The following NEK9 variants were observed in gnomAD, a reference collection of about 807,000 sequenced individuals.
NEK9 encodes serine/threonine-protein kinase Nek9.
In NEK9, 75 loss-of-function variants were observed where a neutral mutation model predicts 123.4. That is an observed-to-expected ratio of 0.61 (90% CI 0.50 to 0.74). The LOEUF is 0.74. Among genes scored for constraint, NEK9 ranks in the 30% least tolerant of loss-of-function variants. The probability of loss-of-function intolerance (pLI) is 0.00; values close to 1 mark genes in which losing one functional copy is unlikely to be tolerated. For synonymous variants in NEK9, 438 were observed against 458.7 expected (o/e 0.95, Z 0.58); for missense variants, 952 against 1,214.4 (o/e 0.78, Z 3.21).
At position 75,082,412 on chromosome 14, in the gene NEK9, T is replaced by A. The variant is rs1282633729; in HGVS notation, c.*2152A>T. On this transcript the variant is annotated 3_prime_UTR_variant, in exon 22 of 22. Transcript: ENST00000238616. ...CATCCCCCTTTGAACTGGTTTCTGT[T>A]TGCATACTTGTTTGGTGGGAAAAAA... The A allele has an allele frequency of 2.0e-5, 3 of 152,238 alleles. No homozygotes were observed. The highest frequency in any genetic ancestry group is 4.4e-5 in the Non-Finnish European group (3 of 68,070). 9.4% of individuals were successfully genotyped at this position (152,238 alleles called of 1,614,324 possible). A position where few individuals can be genotyped will look rare whatever the true frequency, so the allele number is the denominator to read the frequency against.
At chr14:75,111,267 G>A (rs1894950186) in intron 8 of NEK9, among the ~76,000 whole-genome samples, 1 of 152,074 alleles carries the variant, frequency 6.6e-6, no homozygotes, top group South Asian at 2.1e-4. Flanking sequence ...CTAGCCCAGG[G>A]CTGTCATCCT....
At chr14:75,096,888 T>C in intron 17 of NEK9, 1 of 404,818 alleles carries the variant, frequency 2.5e-6, no homozygotes, top group East Asian at 3.7e-5. Context: ...AAACTTATAT[T>C]AAAAAATAAT....
At chr14:75,103,055 AGGGGGGAG>A (rs1894642891) in intron 14 of NEK9, among the ~76,000 whole-genome samples, 1 of 142,498 alleles carries the variant, frequency 7.0e-6, no homozygotes, top group Admixed American at 7.0e-5. Flanking sequence ...GGGTGGGGGA[AGGGGGGAG>A]GGATAGCATT....
intron 10 of NEK9, among the ~76,000 whole-genome samples, chr14:75,109,364 A>G (rs1205658128): frequency 2.6e-5 from 4 of 152,232 alleles, no homozygotes; most frequent in Admixed American, 1.3e-4. Flanking sequence ...TCATGGTAAT[A>G]TAACAGAGTA....
At chr14:75,122,789 C>T (rs1284796946) in intron 2 of NEK9, among the ~76,000 whole-genome samples, 6 of 80,126 alleles carry the variant, frequency 7.5e-5, no homozygotes, top group South Asian at 1.1e-3. Context: ...CCACGCCCAG[C>T]TTTTTTTTTT....
intron 16 of NEK9, among the ~76,000 whole-genome samples, chr14:75,099,897 G>A (rs1176616171): frequency 2.6e-5 from 4 of 151,522 alleles, no homozygotes; most frequent in Admixed American, 6.6e-5. Context: ...CTGGCAGGCC[G>A]AGGTGGGCAG....
intron 21 of NEK9, among the ~76,000 whole-genome samples, chr14:75,085,675 TTC>T (rs1380952776): frequency 9.9e-5 from 15 of 152,242 alleles, no homozygotes; most frequent in Admixed American, 2.6e-4. Context: ...ATGTGGGACA[TTC>T]TGTTGAACAA....
intron 1 of NEK9, among the ~76,000 whole-genome samples, chr14:75,126,135 C>T (rs1895516185): frequency 6.6e-6 from 1 of 152,114 alleles, no homozygotes; most frequent in African/African-American, 2.4e-5. Flanking sequence ...GCAAGATAAA[C>T]ACTGATAAAG....
At chr14:75,088,745 C>T in intron 19 of NEK9, 104 bp from the exon 20 acceptor site, 1 of 1,026,096 alleles carries the variant, frequency 9.7e-7, no homozygotes, top group Non-Finnish European at 1.4e-6. Flanking sequence ...ACTTCAGCAC[C>T]CTCTAGTGGG....
intron 13 of NEK9, among the ~76,000 whole-genome samples, chr14:75,105,662 C>T (rs1894746181): frequency 6.6e-6 from 1 of 152,204 alleles, no homozygotes; most frequent in Non-Finnish European, 1.5e-5. Context: ...GTATTTGTAG[C>T]TATATGTGAC....
At chr14:75,088,888 G>A (rs942732165) in intron 19 of NEK9, among the ~76,000 whole-genome samples, 1 of 152,064 alleles carries the variant, frequency 6.6e-6, no homozygotes, top group African/African-American at 2.4e-5. Context: ...ACTCCAACAC[G>A]CTTATTCTAC....
chr14:75,098,400 T>C (rs1455669451), intron 16 of NEK9, among the ~76,000 whole-genome samples: 1 of 152,180 alleles, frequency 6.6e-6, no homozygotes, highest in Non-Finnish European at 1.5e-5. Flanking sequence ...TGGTCTAAGA[T>C]AACTGGGTTA....
intron 16 of NEK9, among the ~76,000 whole-genome samples, chr14:75,099,249 C>T (rs866397188): frequency 2.0e-5 from 3 of 150,690 alleles, no homozygotes; most frequent in South Asian, 2.1e-4. Flanking sequence ...CACTTGAACC[C>T]GGGAGGTGGA....
At position 75,088,571 on chromosome 14, in the gene NEK9, G is replaced by T; in HGVS notation, c.2513C>A (p.Ser838Tyr). The T allele has an allele frequency of 6.2e-7, 1 of 1,614,078 alleles. No individual in the cohort carries two copies. The highest frequency in any genetic ancestry group is 8.5e-7 in the Non-Finnish European group (1 of 1,180,006). Residue 838 changes from serine to tyrosine, a missense_variant, in exon 20 of 22, where the codon TCT becomes TAT. Ser to Tyr is a moderately radical substitution (Grantham distance 144). Transcript: ENST00000238616. ...PSPLSAAFSE[S>Y]EKDTLPYEEL... ...TTCATAGGGCAGGGTATCTTTCTCA[G>T]ATTCTGAAAACGCTGCACTGAGAGG...
chr14:75,109,691 A>G lies in NEK9; in HGVS notation c.1176T>C (p.Thr392=). ...ATGCTTAGCGTTCACTTACCACCCAAGTGTACAGTTCCTTCTCCACTGTGA... is the reference window on the plus strand; with the variant it reads ...ATGCTTAGCGTTCACTTACCACCCAGGTGTACAGTTCCTTCTCCACTGTGA... The part of the protein sequence containing the change: ...AVVTVEKELY[T]WVNMQGGTKL... Residue 392 remains threonine, a synonymous_variant, in exon 10 of 22, where the codon ACT becomes ACC. Transcript: ENST00000238616. The G allele has an allele frequency of 6.2e-7, 1 of 1,612,158 alleles. No homozygotes were observed. The highest frequency in any genetic ancestry group is 1.1e-5 in the South Asian group (1 of 90,794).
chr14:75,108,197 T>C lies in NEK9; in HGVS notation c.1183-710A>G, dbSNP rs983710216. Among the ~76,000 whole-genome samples, 7 of 151,660 alleles carry C rather than the reference T, an allele frequency of 4.6e-5. No homozygotes were observed. In the South Asian group the frequency reaches 1.3e-3, roughly 27 times the overall value. On this transcript the variant is annotated intron_variant, in intron 10 of 21. Coordinates refer to ENST00000238616, the MANE Select transcript of NEK9 (RefSeq NM_033116.6). Reference sequence around the variant, plus strand: ...TGGAGCGCAGTGGCTCGATCTCAGCTCACTGCAAGCTCTGCCTCCTGGGTT... The same window carrying C: ...TGGAGCGCAGTGGCTCGATCTCAGCCCACTGCAAGCTCTGCCTCCTGGGTT...
chr14:75,084,752 C>T (rs2139705746), intron 21 of NEK9, 66 bp from the exon 22 acceptor site: 2 of 1,601,064 alleles, frequency 1.2e-6, no homozygotes, highest in African/African-American at 1.3e-5. Context: ...TAGTTCAGTA[C>T]TATATTTTCA....
At chr14:75,106,361 GAAAAAA>G (rs34426692) in intron 12 of NEK9, 135 bp downstream of exon 12, 124 of 300,368 alleles carry the variant, frequency 4.1e-4, no homozygotes, top group Non-Finnish European at 5.0e-4. Flanking sequence ...TCTGTCTCGA[GAAAAAA>G]AAAAAAAAAA....
chr14:75,103,031 C>T (rs1028757552), intron 14 of NEK9, among the ~76,000 whole-genome samples: 1 of 139,160 alleles, frequency 7.2e-6, no homozygotes. Flanking sequence ...CATCACACAC[C>T]GGGGCCTGTC....
Sources: gnomAD v4.1 joint callset for allele counts (sites outside exome capture counted in the v4.1 genomes callset) on GRCh38, gnomAD v4.1.1 for gene constraint, MANE v1.5 for transcripts, NCBI Gene and HGNC (gene_info 2026-07-23, HGNC 2026-07-21) for gene names.